The following KYNU variants were observed in gnomAD, a reference collection of about 807,000 sequenced individuals.
The protein encoded by KYNU is L-kynurenine hydrolase.
Under a neutral mutation model 59.2 loss-of-function variants are expected in KYNU, and 54 were observed. That is an observed-to-expected ratio of 0.91 (90% CI 0.73 to 1.14). The LOEUF (loss-of-function observed/expected upper bound fraction) is 1.14. Ranked by LOEUF, KYNU falls within the 50% of genes most tolerant of loss-of-function variation. The pLI, the probability that KYNU is intolerant of heterozygous loss-of-function variation, is 0.00. For missense variants in KYNU, 567 were observed against 554.4 expected, an observed-to-expected ratio of 1.02 and a Z score of -0.23; for synonymous variants, 177 against 192.0, an observed-to-expected ratio of 0.92 and a Z score of 0.65.
intron 10 of KYNU, among the ~76,000 whole-genome samples, chr2:143,007,748 A>G (rs1264652199): frequency 8.1e-6 from 1 of 124,000 alleles, no homozygotes; most frequent in African/African-American, 3.6e-5. Flanking sequence ...GTGGGGGCCA[A>G]TATTCAACAT....
At chr2:142,895,541 A>G (rs1681840159) in intron 2 of KYNU, among the ~76,000 whole-genome samples, 1 of 152,162 alleles carries the variant, frequency 6.6e-6, no homozygotes. Flanking sequence ...AGGCCATTTG[A>G]GCTGTGTCCA....
rs898473015 is a variant in KYNU at position 142,985,972 on chromosome 2, A to G, written c.853A>G (p.Ile285Val). The G allele has an allele frequency of 1.2e-6, 2 of 1,609,948 alleles. No individual in the cohort carries two copies. Among genetic ancestry groups the G allele is most frequent in the Admixed American group, 3.3e-5 (2 of 59,748 alleles). Reference sequence around the variant, plus strand: ...GTATTTAAATGCAGGAGCAGGAGGAATTGCTGGTGCCTTCATTCATGAAAA... The same window carrying G: ...GTATTTAAATGCAGGAGCAGGAGGAGTTGCTGGTGCCTTCATTCATGAAAA... ...YKYLNAGAGGIAGAFIHEKHA... is the reference protein window; with the variant it reads ...YKYLNAGAGGVAGAFIHEKHA... Residue 285 changes from isoleucine to valine, a missense_variant, in exon 10 of 14, where the codon ATT becomes GTT. Coordinates refer to ENST00000264170, the MANE Select transcript of KYNU (RefSeq NM_003937.3).
intron 5 of KYNU, 82 bp from the exon 6 acceptor site, chr2:142,956,121 T>C: frequency 1.3e-6 from 1 of 784,204 alleles, no homozygotes; most frequent in South Asian, 1.5e-5. Context: ...TACTGGAGAT[T>C]ATAAAATGAT....
At chr2:142,954,509 G>T (rs1375109456) in intron 4 of KYNU, among the ~76,000 whole-genome samples, 1 of 152,012 alleles carries the variant, frequency 6.6e-6, no homozygotes, top group Admixed American at 6.6e-5. Context: ...TTTGACAATT[G>T]AGCTGATAAT....
At chr2:143,015,051 G>T (rs1168981620) in intron 10 of KYNU, among the ~76,000 whole-genome samples, 1 of 152,098 alleles carries the variant, frequency 6.6e-6, no homozygotes, top group East Asian at 1.9e-4. Context: ...GTGCCACCAT[G>T]CCTTGCTATT....
At chr2:142,959,248 G>A (rs566123500) in intron 7 of KYNU, among the ~76,000 whole-genome samples, 12 of 152,228 alleles carry the variant, frequency 7.9e-5, no homozygotes, top group South Asian at 6.2e-4. Context: ...AAATATTAAC[G>A]TAATTAATGA....
chr2:143,042,461 A>G lies in KYNU; in HGVS notation c.*289A>G, dbSNP rs1479589389. On this transcript the variant is annotated 3_prime_UTR_variant, in exon 14 of 14. Coordinates refer to ENST00000264170, the MANE Select transcript of KYNU (RefSeq NM_003937.3). ...CATTTCATGGTCATTGAAATGTTTT[A>G]TGTTGGTTTAATTTCTGATTTAACT... is the stretch of plus-strand genomic sequence containing the variant. The G allele has an allele frequency of 1.3e-5, 3 of 231,284 alleles. No individual in the cohort carries two copies. The highest frequency in any genetic ancestry group is 2.6e-5 in the Non-Finnish European group (3 of 117,022). The allele number at this position is 231,284 out of a possible 1,614,324, so 14.3% of individuals were successfully genotyped here.
At chr2:142,899,169 T>C (rs1681985594) in intron 2 of KYNU, among the ~76,000 whole-genome samples, 1 of 152,076 alleles carries the variant, frequency 6.6e-6, no homozygotes, top group Non-Finnish European at 1.5e-5. Flanking sequence ...GAGCGTGCAG[T>C]TGCAAGATTT....
At chr2:143,019,362 A>G (rs1487484114) in intron 10 of KYNU, among the ~76,000 whole-genome samples, 1 of 152,132 alleles carries the variant, frequency 6.6e-6, no homozygotes, top group African/African-American at 2.4e-5. Context: ...GAATTTTATT[A>G]AGTGCCTTTT....
intron 2 of KYNU, among the ~76,000 whole-genome samples, chr2:142,895,362 CAT>C (rs1218024453): frequency 6.6e-6 from 1 of 152,178 alleles, no homozygotes; most frequent in Non-Finnish European, 1.5e-5. Flanking sequence ...TCCAGAATAA[CAT>C]ATGAAGAAAT....
intron 1 of KYNU, among the ~76,000 whole-genome samples, chr2:142,882,001 G>T (rs1035215496): frequency 3.6e-5 from 5 of 139,214 alleles, no homozygotes; most frequent in African/African-American, 1.4e-4. Context: ...GCAATCCCCT[G>T]CCTCGGCCTC....
rs1288422312 is a variant in KYNU, at chr2:143,047,761, A to T, written c.*5589A>T. ...TTTTTTGTAGATTCAGAGTCTTGCTATGTTGCCCAGGCTAATCTCAAACTC... is the reference window on the plus strand; with the variant it reads ...TTTTTTGTAGATTCAGAGTCTTGCTTTGTTGCCCAGGCTAATCTCAAACTC... On this transcript the variant is annotated 3_prime_UTR_variant, in exon 14 of 14. Coordinates refer to ENST00000264170, the MANE Select transcript of KYNU (RefSeq NM_003937.3). The T allele has an allele frequency of 6.7e-6, 1 of 149,876 alleles. No homozygotes were observed. Among genetic ancestry groups the T allele is most frequent in the South Asian group, 2.1e-4 (1 of 4,736 alleles). 9.3% of individuals were successfully genotyped at this position (149,876 alleles called of 1,614,324 possible).
chr2:142,987,322 G>A (rs188254113), intron 10 of KYNU, among the ~76,000 whole-genome samples: 1 of 151,608 alleles, frequency 6.6e-6, no homozygotes, highest in East Asian at 1.9e-4. Flanking sequence ...GAGGTGGGGT[G>A]GGGGGGAAGA....
chr2:142,878,073 G>A (rs1012575121), intron 1 of KYNU, among the ~76,000 whole-genome samples: 3 of 152,068 alleles, frequency 2.0e-5, no homozygotes, highest in South Asian at 2.1e-4. Context: ...AACTCCAGAC[G>A]AGGGAAAGAT....
chr2:142,922,980 G>T (rs1682931814), intron 3 of KYNU, among the ~76,000 whole-genome samples: 1 of 152,266 alleles, frequency 6.6e-6, no homozygotes, highest in Admixed American at 6.5e-5. Flanking sequence ...TTCCAAGATG[G>T]TGCTTCTTGC....
chr2:142,881,918 T>TTC (rs1174862548), intron 1 of KYNU, among the ~76,000 whole-genome samples: 4 of 64,550 alleles, frequency 6.2e-5, no homozygotes, highest in African/African-American at 1.8e-4. Flanking sequence ...TCTTTTTTCT[T>TTC]TTTTTTTTTT....
chr2:143,040,591 A>G lies in KYNU; in HGVS notation c.1205A>G (p.Gln402Arg). The G allele has an allele frequency of 6.2e-7, 1 of 1,612,388 alleles. No individual in the cohort carries two copies. The highest frequency in any genetic ancestry group is 2.2e-5 in the East Asian group (1 of 44,856). The change falls in exon 13 of 14, where the codon CAG becomes CGG. Residue 402 changes from glutamine (Q) to arginine (R), a missense_variant. Gln to Arg is a conservative substitution (Grantham distance 43). Transcript: ENST00000264170. ...TPSHVEERGCQLTITFSVPNK... is the reference protein window; with the variant it reads ...TPSHVEERGCRLTITFSVPNK... ...TCTCATGTAGAGGAGCGGGGGTGCC[A>G]GCTAACAATAACATTTTCTGTTCCA...
chr2:142,980,736 T>C (rs1271943701), intron 8 of KYNU, among the ~76,000 whole-genome samples: 1 of 152,084 alleles, frequency 6.6e-6, no homozygotes, highest in African/African-American at 2.4e-5. Context: ...GTGTGAGCTG[T>C]GTCAGTATGA....
chr2:142,901,070 AG>A (rs1682066451), intron 2 of KYNU, among the ~76,000 whole-genome samples: 2 of 148,330 alleles, frequency 1.3e-5, no homozygotes, highest in Admixed American at 6.8e-5. Context: ...AAAAAAAAAA[AG>A]ATACAGGGAT....
Sources: allele counts gnomAD v4.1 joint callset (sites outside exome capture counted in the v4.1 genomes callset), GRCh38; gene constraint gnomAD v4.1.1; transcripts MANE v1.5; gene names NCBI Gene and HGNC (gene_info 2026-07-23, HGNC 2026-07-21).